The following BRD4 variants were observed in gnomAD, a reference collection of about 807,000 sequenced individuals.
The protein encoded by BRD4 is bromodomain containing 4, also known as bromodomain-containing protein 4.
Under a neutral mutation model 142.1 loss-of-function variants are expected in BRD4, and 16 were observed. The ratio of observed to expected loss-of-function variants is 0.11; its 90% CI spans 0.08 to 0.17. BRD4 has a LOEUF of 0.17. Among genes scored for constraint, BRD4 ranks in the 10% least tolerant of loss-of-function variants. The pLI is 1.00. For synonymous variants in BRD4, 833 were observed against 707.5 expected (o/e 1.18, Z -2.82); for missense variants, 1,424 against 1,810.9 (o/e 0.79, Z 3.88).
rs146045505 is a variant in BRD4 at position 15,304,739 on chromosome 19, C to T, written c.-35+27551G>A. 6.2e-4 allele frequency among the ~76,000 whole-genome samples: 95 copies of T among 152,208 alleles called. No individual in the cohort carries two copies. In the East Asian group the frequency reaches 0.014, roughly 22 times the overall value. ...CTCAATGTGTCTGTATGCTGTATTC[C>T]GACCTCACAAGAACCTCGCACAGGG... On this transcript the variant is annotated intron_variant, in intron 1 of 19. Coordinates refer to ENST00000679869, the MANE Select transcript of BRD4 (RefSeq NM_001379291.1).
At chr19:15,325,319 G>T (rs1394786174) in intron 1 of BRD4, among the ~76,000 whole-genome samples, 1 of 152,194 alleles carries the variant, frequency 6.6e-6, no homozygotes, top group Non-Finnish European at 1.5e-5. Flanking sequence ...GAGCAAGGCA[G>T]CAAAAATGAG....
At chr19:15,265,093 T>A (rs2047517634) in intron 5 of BRD4, among the ~76,000 whole-genome samples, 1 of 152,160 alleles carries the variant, frequency 6.6e-6, no homozygotes, top group Non-Finnish European at 1.5e-5. Context: ...CAGAGACTAT[T>A]TAGATGGCCC....
At chr19:15,260,345 G>A (rs1214579813) in intron 7 of BRD4, among the ~76,000 whole-genome samples, 1 of 152,226 alleles carries the variant, frequency 6.6e-6, no homozygotes, top group Non-Finnish European at 1.5e-5. Context: ...GAAGAAGTGA[G>A]CAAGGGCTGG....
Position 15,237,635 on chromosome 19 carries a change from A to G in BRD4, c.*742T>C, listed in dbSNP as rs971343012. The G allele has an allele frequency of 8.6e-6, 2 of 231,624 alleles. No individual in the cohort carries two copies. The highest frequency in any genetic ancestry group is 4.4e-5 in the African/African-American group (2 of 45,206). 14.3% of individuals were successfully genotyped at this position (231,624 alleles called of 1,614,324 possible). Reference sequence around the variant, plus strand: ...AAAATATATATAGAAAAAAAAGAAAAAAAAAAACGAAACAGAAACACAGGT... The same window carrying G: ...AAAATATATATAGAAAAAAAAGAAAGAAAAAAACGAAACAGAAACACAGGT... On this transcript the variant is annotated 3_prime_UTR_variant, in exon 20 of 20. Transcript: ENST00000679869.
chr19:15,254,218 A>G lies in BRD4; in HGVS notation c.2092T>C (p.Phe698Leu). 2 of 1,614,236 alleles carry G rather than the reference A, an allele frequency of 1.2e-6. No individual in the cohort carries two copies. The highest frequency in any genetic ancestry group is 1.7e-6 in the Non-Finnish European group (2 of 1,180,040). Reference protein sequence around the residue: ...VIAGSSKMKGFSSSESESSSE... With the variant: ...VIAGSSKMKGLSSSESESSSE... ...GAGCTCTCCGACTCTGAGGACGAGA[A>G]GCCCTTCATCTTGGAGGAGCCGGCA... The change falls in exon 11 of 20, where the codon TTC becomes CTC. Residue 698 changes from phenylalanine to leucine, a missense_variant. This residue lies in a region of BRD4 where 598 missense variants were observed against 647.8 expected (regional missense o/e 0.92). Coordinates refer to ENST00000679869, the MANE Select transcript of BRD4 (RefSeq NM_001379291.1).
chr19:15,245,997 G>A (rs760669730), intron 11 of BRD4, among the ~76,000 whole-genome samples: 1 of 152,198 alleles, frequency 6.6e-6, no homozygotes, highest in Admixed American at 6.5e-5. Context: ...GATGGGGAAG[G>A]ACCTTGTGCC....
At chr19:15,281,079 C>T (rs1012724609) in intron 1 of BRD4, among the ~76,000 whole-genome samples, 8 of 152,200 alleles carry the variant, frequency 5.3e-5, no homozygotes, top group Admixed American at 3.3e-4. Flanking sequence ...ATTACTTTTC[C>T]ATCTGACTGG....
At chr19:15,295,837 G>A (rs901407522) in intron 1 of BRD4, among the ~76,000 whole-genome samples, 4 of 152,326 alleles carry the variant, frequency 2.6e-5, no homozygotes, top group African/African-American at 9.6e-5. Flanking sequence ...CAGGCATAGT[G>A]GCACACGCCT....
chr19:15,319,391 G>C (rs1274567127), intron 1 of BRD4, among the ~76,000 whole-genome samples: 1 of 152,154 alleles, frequency 6.6e-6, no homozygotes, highest in Non-Finnish European at 1.5e-5. Flanking sequence ...CCTAGGCCAG[G>C]AGGCCGATGC....
chr19:15,244,624 C>T lies in BRD4; in HGVS notation c.2212-24G>A, dbSNP rs201941429. The T allele has an allele frequency of 9.1e-5, 147 of 1,613,748 alleles. 4 individuals are homozygous for T. The South Asian group carries it at 1.4e-3, about 16-fold the overall frequency. ...TGCTGCAGACAGAGAGACAGACAGA[C>T]AGACAGGCTGATGTCAGGCAGGCAG... On this transcript the variant is annotated intron_variant, in intron 12 of 19. Coordinates refer to ENST00000679869, the MANE Select transcript of BRD4 (RefSeq NM_001379291.1).
intron 7 of BRD4, among the ~76,000 whole-genome samples, chr19:15,257,942 C>T (rs1450092278): frequency 2.0e-5 from 3 of 152,198 alleles, no homozygotes; most frequent in Non-Finnish European, 4.4e-5. Flanking sequence ...GCTCAGGGAA[C>T]AGCAGCCATG....
At chr19:15,261,067 G>C (rs1237275061) in intron 7 of BRD4, among the ~76,000 whole-genome samples, 1 of 152,248 alleles carries the variant, frequency 6.6e-6, no homozygotes, top group Non-Finnish European at 1.5e-5. Context: ...AATGTGAGCA[G>C]TGTGGGCAAA....
chr19:15,235,737 C>T lies in BRD4; in HGVS notation c.*2640G>A, dbSNP rs1331060334. The T allele has an allele frequency of 6.6e-6, 1 of 152,112 alleles. No homozygotes were observed. Among genetic ancestry groups the T allele is most frequent in the South Asian group, 2.1e-4 (1 of 4,826 alleles). 9.4% of individuals were successfully genotyped at this position (152,112 alleles called of 1,614,324 possible). A position where few individuals can be genotyped will look rare whatever the true frequency, so the allele number is the denominator to read the frequency against. Reference sequence around the variant, plus strand: ...ACACACCTCTTACTCTGGTATAGGACTAAGATTTCTAGTACTGTGGGAAGG... The same window carrying T: ...ACACACCTCTTACTCTGGTATAGGATTAAGATTTCTAGTACTGTGGGAAGG... On this transcript the variant is annotated 3_prime_UTR_variant, in exon 20 of 20. Transcript: ENST00000679869.
At position 15,294,427 on chromosome 19, in the gene BRD4, T is replaced by C. The variant is rs777963981; in HGVS notation, c.-34-21294A>G. The stretch of plus-strand genomic sequence containing the variant: ...GCTTCCTCTCCACTCCAAAAGGGGA[T>C]GAGAAGAGGAATGTTGGTATGTGAT... On this transcript the variant is annotated intron_variant, in intron 1 of 19. Coordinates refer to ENST00000679869, the MANE Select transcript of BRD4 (RefSeq NM_001379291.1). 4.6e-5 allele frequency among the ~76,000 whole-genome samples: 7 copies of C among 152,328 alleles called. No individual in the cohort carries two copies. The South Asian group carries it at 6.2e-4, about 14-fold the overall frequency.
At chr19:15,264,799 C>G in intron 5 of BRD4, 33 bp from the exon 6 acceptor site, 2 of 1,567,896 alleles carry the variant, frequency 1.3e-6, no homozygotes, top group Non-Finnish European at 1.7e-6. Flanking sequence ...CAGGCACAGT[C>G]AGAAGTGGCA....
At chr19:15,259,565 G>A (rs1343848789) in intron 7 of BRD4, among the ~76,000 whole-genome samples, 2 of 152,250 alleles carry the variant, frequency 1.3e-5, no homozygotes, top group Non-Finnish European at 2.9e-5. Context: ...GGAACTGCCA[G>A]CTTCCTGGCG....
intron 1 of BRD4, among the ~76,000 whole-genome samples, chr19:15,309,263 G>A (rs943156083): frequency 6.7e-6 from 1 of 150,012 alleles, no homozygotes; most frequent in Non-Finnish European, 1.5e-5. Flanking sequence ...AACCCAGGAG[G>A]TGGAGCTTGC....
At chr19:15,311,627 C>T (rs1355456117) in intron 1 of BRD4, among the ~76,000 whole-genome samples, 1 of 151,104 alleles carries the variant, frequency 6.6e-6, no homozygotes, top group African/African-American at 2.4e-5. Context: ...CCTGTCTCTA[C>T]TAAAAATACA....
At chr19:15,309,607 G>A (rs1944556889) in intron 1 of BRD4, among the ~76,000 whole-genome samples, 1 of 152,158 alleles carries the variant, frequency 6.6e-6, no homozygotes, top group South Asian at 2.1e-4. Context: ...TAAAAAGTGT[G>A]TGTGGGCACT....
Sources: allele counts gnomAD v4.1 joint callset (sites outside exome capture counted in the v4.1 genomes callset), GRCh38; gene constraint gnomAD v4.1.1; regional missense constraint gnomAD v4.1.1; transcripts MANE v1.5; gene names NCBI Gene and HGNC (gene_info 2026-07-23, HGNC 2026-07-21).